Variants in LRRC4C observed in about 807,000 individuals in gnomAD.
LRRC4C encodes the protein leucine rich repeat containing 4C.
LRRC4C carries 5 observed loss-of-function variants against 33.6 expected under a neutral mutation model. The ratio of observed to expected loss-of-function variants is 0.15; its 90% CI spans 0.08 to 0.31. The LOEUF (loss-of-function observed/expected upper bound fraction) is 0.31. LRRC4C is among the 10% of genes least tolerant of loss of function. LRRC4C has a pLI of 1.00. For missense variants in LRRC4C, 560 were observed against 796.7 expected, an observed-to-expected ratio of 0.70 and a Z score of 3.58; for synonymous variants, 329 against 302.0, an observed-to-expected ratio of 1.09 and a Z score of -0.93.
intron 1 of LRRC4C, among the ~76,000 whole-genome samples, chr11:41,175,117 T>C (rs1945142559): frequency 6.6e-6 from 1 of 152,082 alleles, no homozygotes; most frequent in African/African-American, 2.4e-5. Flanking sequence ...GTAGTCCTGC[T>C]CTCAGCCACT....
chr11:40,406,019 A>G (rs982423520), intron 3 of LRRC4C, among the ~76,000 whole-genome samples: 3 of 152,062 alleles, frequency 2.0e-5, no homozygotes, highest in Admixed American at 2.0e-4. Flanking sequence ...GGATCTCTTT[A>G]TAAAAGTATC....
intron 3 of LRRC4C, among the ~76,000 whole-genome samples, chr11:40,363,339 G>A (rs763007046): frequency 1.3e-5 from 2 of 152,066 alleles, no homozygotes; most frequent in Non-Finnish European, 2.9e-5. Context: ...TCTCACAGGT[G>A]GCAGCTAAAT....
intron 1 of LRRC4C, among the ~76,000 whole-genome samples, chr11:41,195,173 G>C (rs1233552522): frequency 2.0e-5 from 3 of 151,904 alleles, no homozygotes; most frequent in Non-Finnish European, 2.9e-5. Flanking sequence ...ATTTCCCCAG[G>C]TTTTCTCTTT....
At chr11:41,170,159 A>T in intron 1 of LRRC4C, among the ~76,000 whole-genome samples, 1 of 152,104 alleles carries the variant, frequency 6.6e-6, no homozygotes, top group Non-Finnish European at 1.5e-5. Context: ...ATCAAGATAG[A>T]CTAGATATTT....
At chr11:40,960,127 G>T (rs1027832787) in intron 1 of LRRC4C, among the ~76,000 whole-genome samples, 2 of 151,016 alleles carry the variant, frequency 1.3e-5, no homozygotes, top group African/African-American at 2.4e-5. Context: ...AAAAAAGGAA[G>T]GAAGGAGGGA....
intron 2 of LRRC4C, among the ~76,000 whole-genome samples, chr11:40,698,947 T>C (rs991954658): frequency 1.3e-5 from 2 of 152,208 alleles, no homozygotes; most frequent in South Asian, 4.1e-4. Context: ...CACATGGGAA[T>C]CATGGGAGCT....
chr11:41,269,901 G>T (rs567027616), intron 1 of LRRC4C, among the ~76,000 whole-genome samples: 2 of 152,222 alleles, frequency 1.3e-5, no homozygotes, highest in African/African-American at 4.8e-5. Context: ...CATAGGCACA[G>T]AAAAGCTTTG....
At chr11:40,602,469 A>C (rs985436071) in intron 3 of LRRC4C, among the ~76,000 whole-genome samples, 5 of 152,170 alleles carry the variant, frequency 3.3e-5, no homozygotes, top group African/African-American at 1.2e-4. Flanking sequence ...GTATATTTTT[A>C]GACACATAAT....
chr11:40,585,319 C>G (rs1958671621), intron 3 of LRRC4C, among the ~76,000 whole-genome samples: 1 of 152,040 alleles, frequency 6.6e-6, no homozygotes, highest in Non-Finnish European at 1.5e-5. Context: ...AGATGTGTAG[C>G]TAACACCATT....
At chr11:40,424,160 A>G (rs145591657) in intron 3 of LRRC4C, among the ~76,000 whole-genome samples, 1,714 of 137,744 alleles carry the variant, frequency 0.012, 32 homozygotes, top group African/African-American at 0.044. Context: ...TAATACTTAA[A>G]TGGCCTTCAT....
intron 1 of LRRC4C, among the ~76,000 whole-genome samples, chr11:41,251,082 A>G (rs560985314): frequency 1.8e-4 from 28 of 152,344 alleles, no homozygotes; most frequent in African/African-American, 6.3e-4. Context: ...CAAAAATAAG[A>G]AGCCAAACAA....
chr11:40,263,614 T>C (rs1942028419), intron 4 of LRRC4C, among the ~76,000 whole-genome samples: 1 of 152,140 alleles, frequency 6.6e-6, no homozygotes, highest in African/African-American at 2.4e-5. Flanking sequence ...CTTAATCTAC[T>C]GAGTAGCTGA....
chr11:41,349,462 C>T (rs919906214), intron 1 of LRRC4C, among the ~76,000 whole-genome samples: 2 of 149,468 alleles, frequency 1.3e-5, no homozygotes, highest in Non-Finnish European at 2.9e-5. Flanking sequence ...AGGAAAAAAA[C>T]AAAACAAAAC....
intron 3 of LRRC4C, among the ~76,000 whole-genome samples, chr11:40,637,033 G>A (rs1941793930): frequency 6.6e-6 from 1 of 152,082 alleles, no homozygotes; most frequent in Non-Finnish European, 1.5e-5. Context: ...TAGCATCTGG[G>A]CCCCCAGAGC....
At chr11:40,705,423 T>A (rs1946108137) in intron 2 of LRRC4C, among the ~76,000 whole-genome samples, 1 of 151,988 alleles carries the variant, frequency 6.6e-6, no homozygotes, top group Non-Finnish European at 1.5e-5. Flanking sequence ...GTTCTCATGG[T>A]TCAATTTCCA....
intron 4 of LRRC4C, among the ~76,000 whole-genome samples, chr11:40,303,775 A>G (rs1416888479): frequency 1.3e-5 from 2 of 152,186 alleles, no homozygotes; most frequent in Non-Finnish European, 1.5e-5. Context: ...AAAGTGTTAA[A>G]CTCTGGGCCT....
At chr11:41,195,820 C>T (rs1946155153) in intron 1 of LRRC4C, among the ~76,000 whole-genome samples, 1 of 151,934 alleles carries the variant, frequency 6.6e-6, no homozygotes, top group East Asian at 1.9e-4. Context: ...CCTTTTAAGT[C>T]AGCATATACA....
chr11:41,000,951 C>T (rs192164454), intron 1 of LRRC4C, among the ~76,000 whole-genome samples: 1 of 152,092 alleles, frequency 6.6e-6, no homozygotes, highest in Non-Finnish European at 1.5e-5. Flanking sequence ...TGAGCAATTA[C>T]TCTGTGCCAA....
intron 5 of LRRC4C, among the ~76,000 whole-genome samples, chr11:40,183,241 A>C (rs537667198): frequency 4.1e-4 from 63 of 152,290 alleles, no homozygotes; most frequent in Admixed American, 7.2e-4. Context: ...ATTCGATTGC[A>C]ATGGCTATCA....
Sources: allele counts gnomAD v4.1 joint callset (sites outside exome capture counted in the v4.1 genomes callset), GRCh38; gene constraint gnomAD v4.1.1; transcripts MANE v1.5; gene names NCBI Gene and HGNC (gene_info 2026-07-23, HGNC 2026-07-21).